Variants in ELAVL4 observed in about 807,000 individuals in gnomAD.
The protein encoded by ELAVL4 is ELAV-like protein 4.
In ELAVL4, 1 loss-of-function variant was observed where a neutral mutation model predicts 35.6. The ratio of observed to expected loss-of-function variants is 0.03; its 90% CI spans 0.01 to 0.13. The LOEUF is 0.13. ELAVL4 is among the 10% of genes least tolerant of loss of function. The pLI, the probability that ELAVL4 is intolerant of heterozygous loss-of-function variation, is 1.00. For missense variants in ELAVL4, 267 were observed against 464.9 expected, an observed-to-expected ratio of 0.57 and a Z score of 3.91; for synonymous variants, 156 against 171.0, an observed-to-expected ratio of 0.91 and a Z score of 0.69.
chr1:50,122,669 T>C (rs1200280213), intron 1 of ELAVL4, among the ~76,000 whole-genome samples: 1 of 152,104 alleles, frequency 6.6e-6, no homozygotes, highest in Non-Finnish European at 1.5e-5. Context: ...TCAAGTTTCA[T>C]TCAGCCAGAG....
intron 1 of ELAVL4, among the ~76,000 whole-genome samples, chr1:50,075,695 A>G (rs1344588968): frequency 6.6e-6 from 1 of 152,334 alleles, no homozygotes; most frequent in East Asian, 1.9e-4. Context: ...GATGGTGTGA[A>G]AGCAATACAC....
At chr1:50,126,862 A>C (rs955114595) in intron 1 of ELAVL4, among the ~76,000 whole-genome samples, 4 of 152,066 alleles carry the variant, frequency 2.6e-5, no homozygotes, top group Admixed American at 2.0e-4. Context: ...TTGTCAATGC[A>C]CTTTTTGTAC....
intron 2 of ELAVL4, among the ~76,000 whole-genome samples, chr1:50,165,061 G>A (rs1183759087): frequency 6.6e-6 from 1 of 152,174 alleles, no homozygotes; most frequent in Non-Finnish European, 1.5e-5. Context: ...CTGCAAGACT[G>A]AGGGGAGGGG....
chr1:50,115,229 A>G (rs1041145540), intron 1 of ELAVL4: 4 of 152,110 alleles, frequency 2.6e-5, no homozygotes, highest in Admixed American at 6.6e-5. Context: ...CCCCTCAATA[A>G]AGATCCCCCT....
chr1:50,125,782 G>A (rs929697006), intron 1 of ELAVL4, among the ~76,000 whole-genome samples: 5 of 152,060 alleles, frequency 3.3e-5, no homozygotes, highest in African/African-American at 1.2e-4. Context: ...TAGAAGGTGA[G>A]TTAGCCTTGG....
At chr1:50,089,244 G>T (rs1665386415) in intron 1 of ELAVL4, among the ~76,000 whole-genome samples, 1 of 152,334 alleles carries the variant, frequency 6.6e-6, no homozygotes, top group Middle Eastern at 3.4e-3. Context: ...AGGAAGCAAG[G>T]AGGCTACAGG....
intron 2 of ELAVL4, among the ~76,000 whole-genome samples, chr1:50,165,252 A>G (rs900593072): frequency 3.3e-5 from 5 of 152,038 alleles, no homozygotes; most frequent in Non-Finnish European, 7.4e-5. Context: ...GCCTTTGCAC[A>G]TGAGATTCCT....
upstream of ELAVL4, among the ~76,000 whole-genome samples, chr1:50,107,756 G>A (rs750302229): frequency 6.6e-6 from 1 of 152,162 alleles, no homozygotes; most frequent in Non-Finnish European, 1.5e-5. Context: ...TGACACATTA[G>A]TCTTTTGCAT....
At chr1:50,099,871 T>C (rs763124052), upstream of ELAVL4, among the ~76,000 whole-genome samples, 1 of 152,232 alleles carries the variant, frequency 6.6e-6, no homozygotes, top group Non-Finnish European at 1.5e-5. Context: ...GGTTCTGTTA[T>C]CACCTGGTGG....
chr1:50,099,280 G>T (rs142905012), upstream of ELAVL4, among the ~76,000 whole-genome samples: 39 of 152,278 alleles, frequency 2.6e-4, no homozygotes, highest in Non-Finnish European at 5.3e-4. Context: ...CAATGAACTG[G>T]CTGGGTGCGG....
chr1:50,180,290 TAC>T (rs764833196), intron 3 of ELAVL4: 4 of 152,212 alleles, frequency 2.6e-5, no homozygotes, highest in Non-Finnish European at 4.4e-5. Flanking sequence ...TTTGAGCACC[TAC>T]ATGACACTCA....
intron 2 of ELAVL4, among the ~76,000 whole-genome samples, chr1:50,151,505 C>G (rs902783885): frequency 6.6e-6 from 1 of 152,090 alleles, no homozygotes; most frequent in East Asian, 1.9e-4. Context: ...GAAATGGATG[C>G]TGCCTACAAT....
At chr1:50,149,542 C>CTTTT (rs754451042) in intron 2 of ELAVL4, among the ~76,000 whole-genome samples, 6 of 126,464 alleles carry the variant, frequency 4.7e-5, no homozygotes, top group South Asian at 2.6e-4. Context: ...ATGCATTGTC[C>CTTTT]TTTTTTTTTT....
At chr1:50,061,093 T>A (rs1663939702) in intron 1 of ELAVL4, among the ~76,000 whole-genome samples, 1 of 152,236 alleles carries the variant, frequency 6.6e-6, no homozygotes, top group Non-Finnish European at 1.5e-5. Flanking sequence ...GAGGTCAAGT[T>A]CACCAGCATG....
intron 2 of ELAVL4, among the ~76,000 whole-genome samples, chr1:50,168,055 C>T (rs545842599): frequency 3.0e-4 from 46 of 152,326 alleles, no homozygotes; most frequent in African/African-American, 1.1e-3. Context: ...TTACCCTTCA[C>T]CGCTGTCCTT....
At chr1:50,074,040 T>G (rs1664649138) in intron 1 of ELAVL4, among the ~76,000 whole-genome samples, 1 of 152,142 alleles carries the variant, frequency 6.6e-6, no homozygotes, top group Non-Finnish European at 1.5e-5. Context: ...TGGCCAGCAG[T>G]CCAGAAAACA....
chr1:50,157,844 GTAATAAACTAA>G (rs1454342766), intron 2 of ELAVL4, among the ~76,000 whole-genome samples: 1 of 152,194 alleles, frequency 6.6e-6, no homozygotes, highest in Non-Finnish European at 1.5e-5. Context: ...ATGGCACCAT[GTAATAAACTAA>G]TAACCAAAAC....
upstream of ELAVL4, among the ~76,000 whole-genome samples, chr1:50,102,144 G>A (rs979173089): frequency 6.6e-6 from 1 of 151,942 alleles, no homozygotes; most frequent in African/African-American, 2.4e-5. Flanking sequence ...AAAATTAGCC[G>A]GGTGTGGTGG....
In ELAVL4 at chr1:50,202,453, T is replaced by A. The variant is rs1008116549; in HGVS notation, c.*1275T>A. ...TTCATTAAGAAATTTTCAAATTCACTTTGTAGCCCATGCTGATAGAATTGG... is the reference window on the plus strand; with the variant it reads ...TTCATTAAGAAATTTTCAAATTCACATTGTAGCCCATGCTGATAGAATTGG... On this transcript the variant is annotated 3_prime_UTR_variant, in exon 7 of 7. Transcript: ENST00000371824. 2.0e-5 allele frequency: 3 copies of A among 152,200 alleles called. No individual in the cohort carries two copies. The highest frequency in any genetic ancestry group is 4.4e-5 in the Non-Finnish European group (3 of 68,014). The allele number at this position is 152,200 out of a possible 1,614,324, so 9.4% of individuals were successfully genotyped here.
Sources: allele counts gnomAD v4.1 joint callset (sites outside exome capture counted in the v4.1 genomes callset), GRCh38; gene constraint gnomAD v4.1.1; transcripts MANE v1.5; gene names NCBI Gene and HGNC (gene_info 2026-07-23, HGNC 2026-07-21).